Variants in VPS13B observed in about 807,000 individuals in gnomAD.
The protein encoded by VPS13B is intermembrane lipid transfer protein VPS13B.
VPS13B carries 285 observed loss-of-function variants against 426.4 expected under a neutral mutation model. The observed-to-expected ratio is 0.67, with a 90% CI of 0.61 to 0.74. The LOEUF (loss-of-function observed/expected upper bound fraction) is 0.74, where lower values mean the gene tolerates loss of function less well. Ranked by LOEUF, VPS13B falls within the 30% of genes least tolerant of loss-of-function variation. The pLI is 0.00. For missense variants in VPS13B, 4,537 were observed against 4,782.6 expected, an observed-to-expected ratio of 0.95 and a Z score of 1.51; for synonymous variants, 1,676 against 1,676.4, an observed-to-expected ratio of 1.00 and a Z score of 0.01.
intron 3 of VPS13B, among the ~76,000 whole-genome samples, chr8:99,059,172 T>C (rs1330060285): frequency 6.6e-6 from 1 of 152,232 alleles, no homozygotes; most frequent in Non-Finnish European, 1.5e-5. Context: ...GGTCTCACTC[T>C]GTTGCCCAGC....
intron 14 of VPS13B, among the ~76,000 whole-genome samples, chr8:99,151,170 T>G (rs551181189): frequency 1.6e-4 from 25 of 152,374 alleles, no homozygotes; most frequent in African/African-American, 6.0e-4. Flanking sequence ...GCCATCTGTA[T>G]ATCTTCTTTG....
intron 30 of VPS13B, among the ~76,000 whole-genome samples, chr8:99,555,163 T>G (rs1588490356): frequency 6.6e-6 from 1 of 152,082 alleles, no homozygotes; most frequent in Admixed American, 6.6e-5. Flanking sequence ...TTGAATTAAT[T>G]AATGTCAGCC....
rs574053514 is a variant in VPS13B at position 99,556,158 on chromosome 8, G to C, written c.4746-292G>C. Among the ~76,000 whole-genome samples the C allele has an allele frequency of 2.6e-5, 4 of 152,192 alleles. No individual in the cohort carries two copies. In the South Asian group the frequency reaches 8.3e-4, roughly 32 times the overall value. ...TAAAATAGAACCTCAGAGCATCTCA[G>C]GGATTGAAATCATGTATGTGAGAGT... On this transcript the variant is annotated intron_variant, in intron 30 of 61. Coordinates refer to ENST00000357162, the MANE Select transcript of VPS13B (RefSeq NM_152564.5).
chr8:99,843,960 C>T (rs938212524), intron 54 of VPS13B, among the ~76,000 whole-genome samples: 1 of 152,234 alleles, frequency 6.6e-6, no homozygotes, highest in African/African-American at 2.4e-5. Context: ...TCTTTGCTTA[C>T]TTGCTTCCTT....
chr8:99,696,134 A>C, intron 35 of VPS13B: 1 of 163,104 alleles, frequency 6.1e-6, no homozygotes, highest in South Asian at 1.6e-4. Context: ...GACCTCTGCC[A>C]CAGTGGATTT....
chr8:99,816,032 A>G (rs1175542445), intron 44 of VPS13B, among the ~76,000 whole-genome samples: 1 of 151,436 alleles, frequency 6.6e-6, no homozygotes, highest in Non-Finnish European at 1.5e-5. Context: ...GGATCTTGCC[A>G]TGTTGCCCAG....
intron 21 of VPS13B, among the ~76,000 whole-genome samples, chr8:99,428,667 T>A (rs1267492004): frequency 6.6e-6 from 1 of 151,828 alleles, no homozygotes; most frequent in Non-Finnish European, 1.5e-5. Context: ...GAAATAACAC[T>A]TTTACACTGT....
intron 39 of VPS13B, among the ~76,000 whole-genome samples, chr8:99,742,777 C>G (rs189046104): frequency 9.2e-5 from 14 of 152,076 alleles, no homozygotes; most frequent in African/African-American, 1.9e-4. Flanking sequence ...ATTCAACAAC[C>G]CTTCACGCCA....
At chr8:99,453,671 A>T (rs1434864832) in intron 23 of VPS13B, among the ~76,000 whole-genome samples, 1 of 152,212 alleles carries the variant, frequency 6.6e-6, no homozygotes, top group Non-Finnish European at 1.5e-5. Context: ...TTTAAAAACC[A>T]AACCAATATG....
chr8:99,405,215 T>C (rs1234055736), intron 21 of VPS13B, among the ~76,000 whole-genome samples: 1 of 152,144 alleles, frequency 6.6e-6, no homozygotes, highest in Non-Finnish European at 1.5e-5. Context: ...CATATCCAAC[T>C]GCCTACACAT....
At chr8:99,785,462 A>G (rs994541026) in intron 43 of VPS13B, among the ~76,000 whole-genome samples, 18 of 152,122 alleles carry the variant, frequency 1.2e-4, no homozygotes, top group Non-Finnish European at 1.9e-4. Flanking sequence ...ATAATGCAGT[A>G]TTTCTTATTT....
chr8:99,308,641 C>T lies in VPS13B; in HGVS notation c.2824+33387C>T, dbSNP rs895488116. 4.6e-5 allele frequency among the ~76,000 whole-genome samples: 7 copies of T among 152,066 alleles called. No individual in the cohort carries two copies. In the East Asian group the frequency reaches 7.7e-4, roughly 17 times the overall value. ...TGTGAATAGTGCCGCAATAAACATA[C>T]GTGTGCATGTGTCTTTATAGCAGCA... On this transcript the variant is annotated intron_variant, in intron 19 of 61. Coordinates refer to ENST00000357162, the MANE Select transcript of VPS13B (RefSeq NM_152564.5).
At chr8:99,337,987 T>C (rs1245997639) in intron 19 of VPS13B, among the ~76,000 whole-genome samples, 1 of 152,144 alleles carries the variant, frequency 6.6e-6, no homozygotes, top group Non-Finnish European at 1.5e-5. Context: ...CCTGGCATGT[T>C]TGTTGAAAAT....
At chr8:99,422,728 T>G (rs1481295263) in intron 21 of VPS13B, among the ~76,000 whole-genome samples, 3 of 152,168 alleles carry the variant, frequency 2.0e-5, no homozygotes, top group Non-Finnish European at 2.9e-5. Context: ...TAATTCATTT[T>G]TATAAAACAA....
chr8:99,661,467 A>T lies in VPS13B; in HGVS notation c.6022A>T (p.Ile2008Phe), dbSNP rs753483216. 1.9e-6 allele frequency: 3 copies of T among 1,613,314 alleles called. No individual in the cohort carries two copies. The highest frequency in any genetic ancestry group is 2.5e-6 in the Non-Finnish European group (3 of 1,179,770). The change falls in exon 35 of 62, where the codon ATT (isoleucine) becomes TTT (phenylalanine). Residue 2008 changes from isoleucine to phenylalanine, a missense_variant. Physicochemically the swap from Ile to Phe is conservative, Grantham distance 21 (BLOSUM62 0). This residue lies in a region of VPS13B where 4,311 missense variants were observed against 4,474.3 expected (regional missense o/e 0.96). Coordinates refer to ENST00000357162, the MANE Select transcript of VPS13B (RefSeq NM_152564.5). ...TCCACCTTCCTTTATAACACTACAG[A>T]TTAAAGACTTTCTGAATGGACCAGG... ...GIPPSFITLQ[I>F]KDFLNGPADV...
chr8:99,857,393 G>A (rs1315723160), intron 56 of VPS13B, among the ~76,000 whole-genome samples: 1 of 152,184 alleles, frequency 6.6e-6, no homozygotes, highest in East Asian at 1.9e-4. Context: ...GATGTTTCTA[G>A]ACCAACCTTC....
chr8:99,561,145 C>A (rs979130783), intron 31 of VPS13B, among the ~76,000 whole-genome samples: 4 of 152,146 alleles, frequency 2.6e-5, no homozygotes, highest in African/African-American at 9.7e-5. Flanking sequence ...ATTTTCTTCA[C>A]CCCAAAGTAA....
At chr8:99,373,833 C>T (rs1285203738) in intron 19 of VPS13B, among the ~76,000 whole-genome samples, 1 of 152,114 alleles carries the variant, frequency 6.6e-6, no homozygotes, top group Non-Finnish European at 1.5e-5. Flanking sequence ...CAGAGTGAGA[C>T]CCTGCTTCAA....
intron 4 of VPS13B, among the ~76,000 whole-genome samples, chr8:99,099,585 A>G (rs900817545): frequency 5.3e-5 from 8 of 152,218 alleles, no homozygotes; most frequent in African/African-American, 1.7e-4. Context: ...AAGCATACAT[A>G]TACATAAAAA....
Sources: allele counts gnomAD v4.1 joint callset (sites outside exome capture counted in the v4.1 genomes callset), GRCh38; gene constraint gnomAD v4.1.1; regional missense constraint gnomAD v4.1.1; transcripts MANE v1.5; gene names NCBI Gene and HGNC (gene_info 2026-07-23, HGNC 2026-07-21).